Variants in OPHN1 observed in about 807,000 individuals in gnomAD.
OPHN1 encodes the protein oligophrenin 1, also known as oligophrenin-1.
In OPHN1, 11 loss-of-function variants were observed where a neutral mutation model predicts 60.7. That is an observed-to-expected ratio of 0.18 (90% CI 0.11 to 0.30). The LOEUF (loss-of-function observed/expected upper bound fraction) is 0.30. Among genes scored for constraint, OPHN1 ranks in the 10% least tolerant of loss-of-function variants. The probability of loss-of-function intolerance (pLI) is 1.00; values close to 1 mark genes in which losing one functional copy is unlikely to be tolerated. For synonymous variants in OPHN1, 226 were observed against 222.6 expected (o/e 1.02, Z -0.14); for missense variants, 449 against 611.0 (o/e 0.73, Z 2.80).
chrX:68,203,846 G>A (rs1236820208), intron 10 of OPHN1, among the ~76,000 whole-genome samples: 1 of 112,490 alleles, frequency 8.9e-6, no homozygotes, highest in Non-Finnish European at 1.9e-5. Context: ...TCTGCAAACT[G>A]CAGTTCAGCT....
intron 2 of OPHN1, among the ~76,000 whole-genome samples, chrX:68,380,006 C>G (rs1288043765): frequency 9.0e-6 from 1 of 110,587 alleles, no homozygotes; most frequent in Non-Finnish European, 1.9e-5. Context: ...GGAATGGTAC[C>G]AGTTCCTCCT....
chrX:68,299,940 A>G (rs1257033532), intron 2 of OPHN1, among the ~76,000 whole-genome samples: 1 of 109,978 alleles, frequency 9.1e-6, no homozygotes, highest in Non-Finnish European at 1.9e-5. Context: ...CAGCATCATC[A>G]TCGCCTGGGA....
At chrX:68,283,826 G>T (rs2147606572) in intron 3 of OPHN1, among the ~76,000 whole-genome samples, 1 of 111,783 alleles carries the variant, frequency 8.9e-6, no homozygotes, top group African/African-American at 3.2e-5. Flanking sequence ...ATCAAAAATT[G>T]AGTTTCCTCC....
rs892276218 is a variant in OPHN1 at position 68,133,319 on chromosome X, G to C, written c.1277-13987C>G. On this transcript the variant is annotated intron_variant, in intron 15 of 24. Coordinates refer to ENST00000355520, the MANE Select transcript of OPHN1 (RefSeq NM_002547.3). ...CTTAGACTATGAAGACAAGATTCAGGAGGAGTATGAGCAAATCCTCAATAC... is the reference window on the plus strand; with the variant it reads ...CTTAGACTATGAAGACAAGATTCAGCAGGAGTATGAGCAAATCCTCAATAC... The C allele has an allele frequency of 1.3e-5, 8 of 617,134 alleles. No individual in the cohort carries two copies. In the Admixed American group the frequency reaches 1.8e-4, roughly 14 times the overall value. 50.9% of individuals were successfully genotyped at this position (617,134 alleles called of 1,213,427 possible).
intron 3 of OPHN1, among the ~76,000 whole-genome samples, chrX:68,296,778 AAC>A (rs2078097795): frequency 9.0e-6 from 1 of 110,724 alleles, no homozygotes; most frequent in African/African-American, 3.3e-5. Flanking sequence ...AGTCTGGGTA[AAC>A]AGAGCAAGAC....
chrX:68,120,896 A>G (rs1316434993), intron 15 of OPHN1, among the ~76,000 whole-genome samples: 2 of 112,283 alleles, frequency 1.8e-5, no homozygotes, highest in Non-Finnish European at 1.9e-5. Flanking sequence ...CAACAGGGAA[A>G]GGATACTCTA....
chrX:68,364,460 A>G (rs1345131112), intron 2 of OPHN1, among the ~76,000 whole-genome samples: 2 of 112,075 alleles, frequency 1.8e-5, no homozygotes, highest in Non-Finnish European at 3.8e-5. Context: ...AACTTTTCCA[A>G]TTTCTACAGC....
chrX:68,101,664 T>C (rs2077059425), intron 18 of OPHN1, among the ~76,000 whole-genome samples: 1 of 112,271 alleles, frequency 8.9e-6, no homozygotes, highest in South Asian at 3.7e-4. Context: ...TTAATGAGCA[T>C]AACATAAGGT....
At chrX:68,351,072 G>A (rs1390135288) in intron 2 of OPHN1, among the ~76,000 whole-genome samples, 2 of 111,025 alleles carry the variant, frequency 1.8e-5, no homozygotes. Context: ...GGGATTACAG[G>A]CGAGCACCAC....
At chrX:68,220,407 G>A (rs1336194643) in intron 6 of OPHN1, among the ~76,000 whole-genome samples, 1 of 111,360 alleles carries the variant, frequency 9.0e-6, no homozygotes, top group African/African-American at 3.3e-5. Context: ...TAGAAAAAGA[G>A]GGAATCCTCC....
chrX:68,110,103 C>T (rs995939637), intron 18 of OPHN1, among the ~76,000 whole-genome samples: 3 of 109,083 alleles, frequency 2.8e-5, no homozygotes, highest in Non-Finnish European at 5.7e-5. Context: ...TGCCAAATCC[C>T]CTCTTCTGGA....
intron 2 of OPHN1, among the ~76,000 whole-genome samples, chrX:68,387,068 G>A (rs192734173): frequency 8.1e-5 from 9 of 111,525 alleles, no homozygotes; most frequent in East Asian, 2.8e-4. Context: ...AAACAAAGGG[G>A]AATGAAGCCA....
intron 5 of OPHN1, among the ~76,000 whole-genome samples, chrX:68,247,913 T>C (rs925350153): frequency 4.5e-5 from 5 of 111,243 alleles, no homozygotes; most frequent in African/African-American, 1.6e-4. Flanking sequence ...TTGCCAATTA[T>C]TGTGGAAAGA....
At chrX:68,278,908 T>G (rs1602292986) in intron 4 of OPHN1, among the ~76,000 whole-genome samples, 3 of 109,243 alleles carry the variant, frequency 2.7e-5, no homozygotes. Flanking sequence ...AAAAAAAATT[T>G]TTTTTTAAAA....
intron 20 of OPHN1, among the ~76,000 whole-genome samples, chrX:68,064,518 T>C (rs762187031): frequency 9.0e-4 from 101 of 112,598 alleles, no homozygotes; most frequent in African/African-American, 3.2e-3. Context: ...TCTTTGCAAA[T>C]GAAGACATCA....
intron 3 of OPHN1, among the ~76,000 whole-genome samples, chrX:68,284,860 T>C (rs921436672): frequency 1.8e-5 from 2 of 112,205 alleles, no homozygotes; most frequent in Non-Finnish European, 3.8e-5. Context: ...TGAATGTACG[T>C]ACATATGAAA....
intron 16 of OPHN1, among the ~76,000 whole-genome samples, chrX:68,113,582 T>C (rs777224116): frequency 9.0e-6 from 1 of 110,880 alleles, no homozygotes; most frequent in South Asian, 3.9e-4. Flanking sequence ...CGAAGTGCTT[T>C]TGCAATTGTC....
At chrX:68,297,739 T>C (rs1481334842) in intron 3 of OPHN1, among the ~76,000 whole-genome samples, 1 of 111,068 alleles carries the variant, frequency 9.0e-6, no homozygotes, top group Non-Finnish European at 1.9e-5. Flanking sequence ...GGGAAAACAG[T>C]AGTGAACAAA....
chrX:68,213,154 G>A (rs1459461404), intron 7 of OPHN1, among the ~76,000 whole-genome samples: 2 of 111,699 alleles, frequency 1.8e-5, no homozygotes, highest in Non-Finnish European at 3.8e-5. Context: ...GGATCACTTG[G>A]GCCCGGGAGT....
Sources: allele counts gnomAD v4.1 joint callset (sites outside exome capture counted in the v4.1 genomes callset), GRCh38; gene constraint gnomAD v4.1.1; transcripts MANE v1.5; gene names NCBI Gene and HGNC (gene_info 2026-07-23, HGNC 2026-07-21).